Variants in CHRNA9 observed in about 807,000 individuals in gnomAD.
CHRNA9 encodes cholinergic receptor nicotinic alpha 9 subunit, also known as neuronal acetylcholine receptor subunit alpha-9.
In CHRNA9, 24 loss-of-function variants were observed where a neutral mutation model predicts 36.8. That is an observed-to-expected ratio of 0.65 (90% confidence interval 0.47 to 0.92). The LOEUF is 0.92. CHRNA9 is among the 40% of genes least tolerant of loss of function. The pLI is 0.00. For synonymous variants in CHRNA9, 231 were observed against 231.8 expected, an observed-to-expected ratio of 1.00 and a Z score of 0.03; for missense variants, 610 against 601.2, an observed-to-expected ratio of 1.01 and a Z score of -0.15.
intron 3 of CHRNA9, chr4:40,347,793 A>G (rs1422023099): frequency 1.3e-5 from 2 of 152,222 alleles, no homozygotes; most frequent in Non-Finnish European, 2.9e-5. Flanking sequence ...CCAGGATCCA[A>G]TCCAGAATAC....
intron 4 of CHRNA9, among the ~76,000 whole-genome samples, chr4:40,353,422 C>T (rs934894257): frequency 1.3e-5 from 2 of 150,950 alleles, no homozygotes; most frequent in African/African-American, 4.9e-5. Context: ...ACCTGGGAGC[C>T]AGAGGTTGCA....
intron 3 of CHRNA9, among the ~76,000 whole-genome samples, chr4:40,338,583 C>T (rs954729254): frequency 1.3e-5 from 2 of 152,074 alleles, no homozygotes; most frequent in Non-Finnish European, 2.9e-5. Context: ...GTGGAGGCTT[C>T]CAGTGGGCAT....
rs73146142 is a variant in CHRNA9 at position 40,353,892 on chromosome 4, A to C, written c.899-87A>C. ...TCACCTAATGACTAATACCTTTCTC[A>C]GAATGTATCCCTGTTGTTAAGTGAC... is the stretch of plus-strand genomic sequence containing the variant. On this transcript the variant is annotated intron_variant, in intron 4 of 4. Coordinates refer to ENST00000310169, the MANE Select transcript of CHRNA9 (RefSeq NM_017581.4). 2,440 of 1,203,910 alleles carry C rather than the reference A, an allele frequency of 2.0e-3. 56 individuals carry two copies. In the African/African-American group the frequency reaches 0.033, roughly 17 times the overall value. 74.6% of individuals were successfully genotyped at this position (1,203,910 alleles called of 1,614,324 possible). A position where few individuals can be genotyped will look rare whatever the true frequency, so the allele number is the denominator to read the frequency against.
intron 3 of CHRNA9, among the ~76,000 whole-genome samples, chr4:40,341,274 GT>G (rs577088720): frequency 4.4e-4 from 48 of 109,218 alleles, no homozygotes; most frequent in African/African-American, 7.7e-4. Context: ...TCATGGTCAG[GT>G]TTTTTTTTTT....
At chr4:40,343,380 C>G (rs566422813) in intron 3 of CHRNA9, among the ~76,000 whole-genome samples, 49 of 152,284 alleles carry the variant, frequency 3.2e-4, no homozygotes, top group Middle Eastern at 3.4e-3. Flanking sequence ...GGAGCAAAGT[C>G]ACATCTTACA....
intron 4 of CHRNA9, 139 bp from the exon 5 acceptor site, chr4:40,353,840 T>C: frequency 2.6e-6 from 2 of 756,358 alleles, no homozygotes; most frequent in South Asian, 3.6e-5. Context: ...GTACATACAC[T>C]CTTATGATGT....
intron 4 of CHRNA9, chr4:40,349,816 T>C (rs1712744801): frequency 5.9e-6 from 1 of 168,512 alleles, no homozygotes; most frequent in African/African-American, 2.4e-5. Context: ...TTATGGGTGA[T>C]TCTGATGCAT....
At chr4:40,352,064 AACTC>A (rs1379471866) in intron 4 of CHRNA9, among the ~76,000 whole-genome samples, 1 of 152,130 alleles carries the variant, frequency 6.6e-6, no homozygotes, top group Non-Finnish European at 1.5e-5. Context: ...AGTTTGGTAA[AACTC>A]ACCTATAAAT....
intron 4 of CHRNA9, 180 bp downstream of exon 4, chr4:40,349,594 A>G (rs1269489545): frequency 6.7e-6 from 4 of 600,514 alleles, no homozygotes; most frequent in Non-Finnish European, 8.8e-6. Context: ...GCCTTTTGCA[A>G]TCAAAACTGG....
At chr4:40,353,245 T>G (rs1490351354) in intron 4 of CHRNA9, among the ~76,000 whole-genome samples, 2 of 152,252 alleles carry the variant, frequency 1.3e-5, no homozygotes, top group Middle Eastern at 6.8e-3. Context: ...AATTCTAGCA[T>G]TTTGAGAGGC....
chr4:40,353,211 C>A (rs1383896676), intron 4 of CHRNA9, among the ~76,000 whole-genome samples: 1 of 152,112 alleles, frequency 6.6e-6, no homozygotes, highest in Admixed American at 6.6e-5. Context: ...TATACTATAG[C>A]CCGGCGCGGT....
chr4:40,340,594 C>G (rs1204746377), intron 3 of CHRNA9, among the ~76,000 whole-genome samples: 1 of 152,080 alleles, frequency 6.6e-6, no homozygotes, highest in Non-Finnish European at 1.5e-5. Flanking sequence ...GAAGCAGGTA[C>G]AGAACATCAT....
intron 4 of CHRNA9, among the ~76,000 whole-genome samples, chr4:40,350,667 T>C (rs1232823874): frequency 7.2e-6 from 1 of 138,412 alleles, no homozygotes; most frequent in East Asian, 2.1e-4. Flanking sequence ...GGAGATATCT[T>C]CCTTTTTATG....
At position 40,354,084 on chromosome 4, in the gene CHRNA9, A is replaced by T; in HGVS notation, c.1004A>T (p.His335Leu). 6.2e-7 allele frequency: 1 copy of T among 1,614,144 alleles called. No individual in the cohort carries two copies. The highest frequency in any genetic ancestry group is 8.5e-7 in the Non-Finnish European group (1 of 1,180,016). ...GGGGCCGAGGCCCGGCCGGTGCCAC[A>T]CTGGGCCAGGGTGGTCATCCTGAAA... ...FCGAEARPVP[H>L]WARVVILKYM... Residue 335 changes from histidine (H) to leucine (L), a missense_variant, in exon 5 of 5, where the codon CAC becomes CTC. Coordinates refer to ENST00000310169, the MANE Select transcript of CHRNA9 (RefSeq NM_017581.4).
chr4:40,339,231 A>T (rs1712423518), intron 3 of CHRNA9, among the ~76,000 whole-genome samples: 1 of 139,310 alleles, frequency 7.2e-6, no homozygotes, highest in Non-Finnish European at 1.5e-5. Context: ...GTGAGCCAAG[A>T]TTGCACCACT....
At chr4:40,341,672 C>T (rs1373570015) in intron 3 of CHRNA9, among the ~76,000 whole-genome samples, 4 of 152,152 alleles carry the variant, frequency 2.6e-5, no homozygotes, top group African/African-American at 9.7e-5. Flanking sequence ...CTACTCGAGC[C>T]CATACCCACT....
At chr4:40,349,969 C>T (rs964323655) in intron 4 of CHRNA9, 1 of 155,310 alleles carries the variant, frequency 6.4e-6, no homozygotes, top group Non-Finnish European at 1.4e-5. Context: ...TCTGCTTCAT[C>T]ATCTGGAAAA....
rs1327022694 is a variant in CHRNA9, at chr4:40,339,147, C to T, written c.365+1783C>T. Among the ~76,000 whole-genome samples, 5 of 151,402 alleles carry T rather than the reference C, an allele frequency of 3.3e-5. No individual in the cohort carries two copies. The East Asian group carries it at 7.8e-4, about 24-fold the overall frequency. On this transcript the variant is annotated intron_variant, in intron 3 of 4. Transcript: ENST00000310169. ...ACAAAAAATCAGCTGGGTGTGGTGG[C>T]GGGCGCCTGTAATCCCAGCTACTTG...
chr4:40,351,221 A>G (rs1360282260), intron 4 of CHRNA9, among the ~76,000 whole-genome samples: 1 of 151,544 alleles, frequency 6.6e-6, no homozygotes, highest in Non-Finnish European at 1.5e-5. Flanking sequence ...AATCCCAGCT[A>G]CTTGGGAGGC....
Sources: gnomAD v4.1 joint callset for allele counts (sites outside exome capture counted in the v4.1 genomes callset) on GRCh38, gnomAD v4.1.1 for gene constraint, MANE v1.5 for transcripts, NCBI Gene and HGNC (gene_info 2026-07-23, HGNC 2026-07-21) for gene names.